Variants in GALNT17 observed in about 807,000 individuals in gnomAD.
GALNT17 encodes polypeptide N-acetylgalactosaminyltransferase 17.
Under a neutral mutation model 63.7 loss-of-function variants are expected in GALNT17, and 29 were observed. The ratio of observed to expected loss-of-function variants is 0.46; its 90% CI spans 0.34 to 0.62. The LOEUF (loss-of-function observed/expected upper bound fraction) is 0.62, where lower values mean the gene tolerates loss of function less well. GALNT17 is among the 20% of genes least tolerant of loss of function. The pLI is 0.01. For missense variants in GALNT17, 603 were observed against 799.6 expected (o/e 0.75, Z 2.97); for synonymous variants, 305 against 318.3 (o/e 0.96, Z 0.45).
At chr7:71,160,257 G>A (rs1788317509) in intron 1 of GALNT17, among the ~76,000 whole-genome samples, 1 of 152,112 alleles carries the variant, frequency 6.6e-6, no homozygotes, top group Non-Finnish European at 1.5e-5. Context: ...ATAAACACTT[G>A]TGTCCTATAT....
intron 1 of GALNT17, among the ~76,000 whole-genome samples, chr7:71,326,905 T>G (rs1263152386): frequency 6.6e-6 from 1 of 152,210 alleles, no homozygotes; most frequent in Non-Finnish European, 1.5e-5. Flanking sequence ...TCAGTAGAGA[T>G]TCTCTTCTTT....
At chr7:71,365,697 A>G (rs1792491803) in intron 2 of GALNT17, among the ~76,000 whole-genome samples, 2 of 152,092 alleles carry the variant, frequency 1.3e-5, no homozygotes, top group Admixed American at 1.3e-4. Context: ...TAAAGAAAGT[A>G]TCCAAATGAC....
intron 6 of GALNT17, among the ~76,000 whole-genome samples, chr7:71,643,440 C>T (rs1249252774): frequency 6.6e-6 from 1 of 152,130 alleles, no homozygotes; most frequent in East Asian, 1.9e-4. Flanking sequence ...TACACTCCAA[C>T]CTGGGCCACA....
At position 71,388,346 on chromosome 7, in the gene GALNT17, C is replaced by T. The variant is rs1476577891; in HGVS notation, c.534C>T (p.His178=). 4 of 1,614,042 alleles carry T rather than the reference C, an allele frequency of 2.5e-6. No individual in the cohort carries two copies. In the South Asian group the frequency reaches 4.4e-5, roughly 18 times the overall value. The change falls in exon 3 of 11, where the codon CAC becomes CAT. Residue 178 remains histidine, a synonymous_variant. Transcript: ENST00000333538. The part of the protein sequence containing the change: ...ILRSVHSAVN[H]TPTHLLKEII... Reference sequence around the variant, plus strand: ...GGTCCGTGCACAGTGCCGTCAATCACACGCCCACACACCTGCTGAAGGAAA... The same window carrying T: ...GGTCCGTGCACAGTGCCGTCAATCATACGCCCACACACCTGCTGAAGGAAA...
At chr7:71,303,887 C>T (rs978734808) in intron 1 of GALNT17, among the ~76,000 whole-genome samples, 4 of 152,110 alleles carry the variant, frequency 2.6e-5, no homozygotes, top group South Asian at 2.1e-4. Context: ...AATAGCTAAA[C>T]GCCTCCGGGG....
At chr7:71,146,006 C>T (rs1162925582) in intron 1 of GALNT17, among the ~76,000 whole-genome samples, 4 of 151,994 alleles carry the variant, frequency 2.6e-5, no homozygotes, top group East Asian at 1.9e-4. Context: ...GTACGGGGCC[C>T]GTATGGGTTT....
chr7:71,166,104 G>C (rs570443136), intron 1 of GALNT17, among the ~76,000 whole-genome samples: 2 of 152,168 alleles, frequency 1.3e-5, no homozygotes, highest in Non-Finnish European at 2.9e-5. Context: ...TGACTTCATC[G>C]TTCAAATGCA....
At chr7:71,216,392 G>A (rs1273255390) in intron 1 of GALNT17, among the ~76,000 whole-genome samples, 1 of 152,108 alleles carries the variant, frequency 6.6e-6, no homozygotes, top group African/African-American at 2.4e-5. Flanking sequence ...GTAGCTCTGG[G>A]GGAACGCCAG....
At chr7:71,240,957 A>G (rs1445462054) in intron 1 of GALNT17, among the ~76,000 whole-genome samples, 1 of 151,970 alleles carries the variant, frequency 6.6e-6, no homozygotes, top group Admixed American at 6.6e-5. Context: ...AGCCACTCGT[A>G]CTACATTTTC....
chr7:71,516,003 G>T (rs1562672067), intron 5 of GALNT17, among the ~76,000 whole-genome samples: 1 of 152,116 alleles, frequency 6.6e-6, no homozygotes, highest in Non-Finnish European at 1.5e-5. Flanking sequence ...GGAGGGAGGG[G>T]ATAGAGGAGC....
Position 71,335,583 on chromosome 7 carries a change from A to G in GALNT17, c.272A>G (p.Tyr91Cys). 2 of 1,609,568 alleles carry G rather than the reference A, an allele frequency of 1.2e-6. No homozygotes were observed. ...LSKSLGLIEG[Y>C]GGRGKGGLPA... is the part of the protein sequence containing the mutation. ...AAATCCCTTGGGCTCATTGAAGGTT[A>G]TGGTGGGCGGGGTAAAGGGGGCCTT... The change falls in exon 2 of 11, where the codon TAT becomes TGT. Residue 91 changes from tyrosine to cysteine, a missense_variant. Around this residue, in one of 3 missense-constraint regions of GALNT17, gnomAD observed 195 missense variants for 215.0 expected, o/e 0.91. Coordinates refer to ENST00000333538, the MANE Select transcript of GALNT17 (RefSeq NM_022479.3).
intron 3 of GALNT17, among the ~76,000 whole-genome samples, chr7:71,392,008 G>A (rs1276595783): frequency 2.0e-5 from 3 of 152,056 alleles, no homozygotes; most frequent in African/African-American, 7.2e-5. Flanking sequence ...TACCATGAAG[G>A]AGGCATCGAG....
At chr7:71,500,365 G>A (rs6969471) in intron 5 of GALNT17, among the ~76,000 whole-genome samples, 16,124 of 152,142 alleles carry the variant, frequency 0.11, 1,043 homozygotes, top group East Asian at 0.25. Flanking sequence ...TTGACTGCAC[G>A]ATGATTTTGA....
At chr7:71,422,117 G>A (rs1786676481) in intron 5 of GALNT17, among the ~76,000 whole-genome samples, 1 of 152,122 alleles carries the variant, frequency 6.6e-6, no homozygotes, top group Admixed American at 6.5e-5. Flanking sequence ...TGAGCTGATG[G>A]AACTAAAATG....
At chr7:71,579,037 G>A (rs946571947) in intron 6 of GALNT17, among the ~76,000 whole-genome samples, 6 of 152,148 alleles carry the variant, frequency 3.9e-5, no homozygotes, top group Admixed American at 1.3e-4. Flanking sequence ...TGATCAGTCC[G>A]TTTTCATTTT....
At chr7:71,189,429 C>T (rs1366942347) in intron 1 of GALNT17, among the ~76,000 whole-genome samples, 1 of 152,096 alleles carries the variant, frequency 6.6e-6, no homozygotes, top group Admixed American at 6.5e-5. Flanking sequence ...ACTTGTTCTG[C>T]CAACAGAGGT....
At chr7:71,391,977 A>C (rs1490385587) in intron 3 of GALNT17, among the ~76,000 whole-genome samples, 1 of 151,704 alleles carries the variant, frequency 6.6e-6, no homozygotes, top group East Asian at 1.9e-4. Context: ...GAGGTCCCAG[A>C]CTCTGTGAGA....
intron 1 of GALNT17, among the ~76,000 whole-genome samples, chr7:71,251,171 C>G (rs1790191548): frequency 6.6e-6 from 1 of 150,658 alleles, no homozygotes; most frequent in South Asian, 2.1e-4. Context: ...TCCCCCCTCC[C>G]CCTTTTGCTA....
At chr7:71,309,475 C>T (rs566593896) in intron 1 of GALNT17, among the ~76,000 whole-genome samples, 100 of 152,126 alleles carry the variant, frequency 6.6e-4, no homozygotes, top group African/African-American at 2.3e-3. Context: ...TGCTCCCTGC[C>T]GAGACCAAGG....
Sources: allele counts gnomAD v4.1 joint callset (sites outside exome capture counted in the v4.1 genomes callset), GRCh38; gene constraint gnomAD v4.1.1; regional missense constraint gnomAD v4.1.1; transcripts MANE v1.5; gene names NCBI Gene and HGNC (gene_info 2026-07-23, HGNC 2026-07-21).